Variants in DNPH1 observed in about 807,000 individuals in gnomAD.
DNPH1 encodes 5-hydroxymethyl-dUMP N-hydrolase.
Under a neutral mutation model 15.7 loss-of-function variants are expected in DNPH1, and 18 were observed. That is an observed-to-expected ratio of 1.15 (90% CI 0.79 to 1.70). DNPH1 has a LOEUF of 1.70. Ranked by LOEUF, DNPH1 falls within the 40% of genes most tolerant of loss-of-function variation. The pLI, the probability that DNPH1 is intolerant of heterozygous loss-of-function variation, is 0.00. For missense variants in DNPH1, 262 were observed against 255.2 expected (o/e 1.03, Z -0.18); for synonymous variants, 114 against 107.9 (o/e 1.06, Z -0.35).
intron 1 of DNPH1, among the ~76,000 whole-genome samples, chr6:43,228,437 G>GTGAGATTCCGTTTCAAA (rs1776774602): frequency 6.6e-6 from 1 of 152,146 alleles, no homozygotes. Context: ...GGGCGACAGA[G>GTGAGATTCCGTTTCAAA]AGGCCCTTGT....
At chr6:43,228,774 C>T (rs1347246968) in intron 1 of DNPH1, among the ~76,000 whole-genome samples, 2 of 145,976 alleles carry the variant, frequency 1.4e-5, no homozygotes, top group East Asian at 4.3e-4. Flanking sequence ...TGCAGTGAGC[C>T]GAGATCACGC....
intron 1 of DNPH1, among the ~76,000 whole-genome samples, chr6:43,227,419 G>A (rs1352214604): frequency 6.7e-6 from 1 of 148,174 alleles, no homozygotes; most frequent in Non-Finnish European, 1.5e-5. Flanking sequence ...TGTCTTGGGG[G>A]AAAAAAAAAA....
At position 43,225,721 on chromosome 6, in the gene DNPH1, A is replaced by C; in HGVS notation, c.*12T>G. 1 of 1,613,854 alleles carries C rather than the reference A, an allele frequency of 6.2e-7. No homozygotes were observed. The highest frequency in any genetic ancestry group is 8.5e-7 in the Non-Finnish European group (1 of 1,179,998). On this transcript the variant is annotated 3_prime_UTR_variant, in exon 4 of 4. Transcript: ENST00000230431. ...GTCTGAGAATAGAAGAATTTAAGAAAGTGAGATTAAGTCAAGTGGTTGGGT... is the reference window on the plus strand; with the variant it reads ...GTCTGAGAATAGAAGAATTTAAGAACGTGAGATTAAGTCAAGTGGTTGGGT...
Position 43,226,981 on chromosome 6 carries a change from C to T in DNPH1, c.197-586G>A, listed in dbSNP as rs1776752712. 1.3e-5 allele frequency among the ~76,000 whole-genome samples: 2 copies of T among 152,022 alleles called. No homozygotes were observed. Among genetic ancestry groups the T allele is most frequent in the South Asian group, 2.1e-4 (1 of 4,814 alleles). ...AATTAGCTGGGTGTGGTGGTGCACA[C>T]CTGTAATCCCAGCAACTTGGGAGGC... On this transcript the variant is annotated intron_variant, in intron 1 of 3. Coordinates refer to ENST00000230431, the MANE Select transcript of DNPH1 (RefSeq NM_006443.3). This position sits in a 1 kb window ranked among gnomAD's most constrained non-coding sequence, Gnocchi z 4.1.
At chr6:43,229,224 GCCCGCGTCCCCGCGT>G (rs1472794736) in intron 1 of DNPH1, 22 bp downstream of exon 1, 9 of 1,299,698 alleles carry the variant, frequency 6.9e-6, no homozygotes, top group Non-Finnish European at 8.7e-6. Flanking sequence ...CCAGGTCCGC[GCCCGCGTCCCCGCGT>G]CCCGCGGCCC....
chr6:43,227,821 G>A (rs1288845380), intron 1 of DNPH1, among the ~76,000 whole-genome samples: 3 of 152,028 alleles, frequency 2.0e-5, no homozygotes, highest in East Asian at 1.9e-4. Context: ...CAGACTCAGC[G>A]GCTCATGTCT....
In DNPH1 at chr6:43,225,688, A is replaced by G. The variant is rs1340335236; in HGVS notation, c.*45T>C. ...GGGGCTAAGAGGAAGGAATGGTACT[A>G]GAGCAGTGTCTGAGAATAGAAGAAT... On this transcript the variant is annotated 3_prime_UTR_variant, in exon 4 of 4. Coordinates refer to ENST00000230431, the MANE Select transcript of DNPH1 (RefSeq NM_006443.3). The G allele has an allele frequency of 1.2e-6, 2 of 1,606,686 alleles. No homozygotes were observed. The highest frequency in any genetic ancestry group is 8.5e-7 in the Non-Finnish European group (1 of 1,175,784).
At position 43,229,369 on chromosome 6, in the gene DNPH1, G is replaced by T; in HGVS notation, c.88C>A (p.Arg30Ser). ...RPALYFCGSI[R>S]GGREDRTLYE... ...AGCGTCCTGTCCTCGCGTCCGCCGCGAATGCTCCCGCAGAAGTACAGGGCC... is the reference window on the plus strand; with the variant it reads ...AGCGTCCTGTCCTCGCGTCCGCCGCTAATGCTCCCGCAGAAGTACAGGGCC... The change falls in exon 1 of 4, where the codon CGC (arginine) becomes AGC (serine). Residue 30 changes from arginine (R) to serine (S), a missense_variant. Transcript: ENST00000230431. 6.7e-7 allele frequency: 1 copy of T among 1,485,712 alleles called. No individual in the cohort carries two copies. 92.0% of individuals were successfully genotyped at this position (1,485,712 alleles called of 1,614,324 possible). A position where few individuals can be genotyped will look rare whatever the true frequency, so the allele number is the denominator to read the frequency against.
intron 1 of DNPH1, among the ~76,000 whole-genome samples, chr6:43,227,315 T>C (rs898267260): frequency 2.0e-5 from 3 of 151,796 alleles, no homozygotes; most frequent in Admixed American, 2.0e-4. Context: ...CTCGGGAGGC[T>C]GAGGCAGGAA....
intron 1 of DNPH1, among the ~76,000 whole-genome samples, chr6:43,227,680 T>G (rs1776763668): frequency 6.6e-6 from 1 of 151,834 alleles, no homozygotes; most frequent in Admixed American, 6.6e-5. Context: ...GGTCTGCTCT[T>G]GGGTAGGATA....
intron 1 of DNPH1, chr6:43,228,931 C>T (rs1776781023): frequency 5.1e-6 from 1 of 196,298 alleles, no homozygotes; most frequent in Non-Finnish European, 1.1e-5. Flanking sequence ...GAACTGAGCC[C>T]AAGCAAAGCA....
chr6:43,228,177 C>A (rs1381391883), intron 1 of DNPH1, among the ~76,000 whole-genome samples: 1 of 152,156 alleles, frequency 6.6e-6, no homozygotes, highest in Non-Finnish European at 1.5e-5. Context: ...GAATATGAGG[C>A]CAGCATGGGG....
chr6:43,229,142 C>A (rs1056660244), intron 1 of DNPH1, 119 bp downstream of exon 1: 4 of 1,049,562 alleles, frequency 3.8e-6, no homozygotes, highest in Non-Finnish European at 3.8e-6. Flanking sequence ...GGTAGGAGGG[C>A]GGGCTCCGGG....
rs971934026 is a variant in DNPH1 at position 43,226,522 on chromosome 6, A to T, written c.197-127T>A. On this transcript the variant is annotated intron_variant, in intron 1 of 3. Transcript: ENST00000230431. The surrounding 1 kb of genome is among the most constrained non-coding windows in gnomAD (Gnocchi z 4.1). Reference sequence around the variant, plus strand: ...GCCTTGTGCCAGATGACCTGACCAAACATGACAATCTCATCAAAGCAGCGA... The same window carrying T: ...GCCTTGTGCCAGATGACCTGACCAATCATGACAATCTCATCAAAGCAGCGA... 3 of 759,642 alleles carry T rather than the reference A, an allele frequency of 3.9e-6. No individual in the cohort carries two copies. Among genetic ancestry groups the T allele is most frequent in the Non-Finnish European group, 6.2e-6 (3 of 481,336 alleles). The allele number at this position is 759,642 out of a possible 1,614,324, so 47.1% of individuals were successfully genotyped here. A position where few individuals can be genotyped will look rare whatever the true frequency, so the allele number is the denominator to read the frequency against.
chr6:43,225,825 A>G lies in DNPH1; in HGVS notation c.433T>C (p.Tyr145His), dbSNP rs750352145. 1.4e-5 allele frequency: 22 copies of G among 1,614,154 alleles called. No homozygotes were observed. The South Asian group carries it at 1.9e-4, about 14-fold the overall frequency. Residue 145 changes from tyrosine to histidine, a missense_variant, in exon 4 of 4, where the codon TAT becomes CAT. Transcript: ENST00000230431. ...ADGSRFQVWD[Y>H]EEGEVEALLD... ...AGGGCCTCCACCTCTCCCTCCTCAT[A>G]GTCCCACACCTGGAACCGAGAGCCA...
Position 43,226,240 on chromosome 6 carries a change from G to C in DNPH1, c.265+87C>G, listed in dbSNP as rs534393298. 236 of 1,596,696 alleles carry C rather than the reference G, an allele frequency of 1.5e-4. 2 individuals are homozygous for C. In the South Asian group the frequency reaches 2.5e-3, roughly 17 times the overall value. On this transcript the variant is annotated intron_variant, in intron 2 of 3. Transcript: ENST00000230431. This position sits in a 1 kb window ranked among gnomAD's most constrained non-coding sequence, Gnocchi z 4.1. ...CTGTGGTGAGGAGGGAACTCTGGGA[G>C]TCCCTTCTAGGTGTGGAGGCTGGGA...
chr6:43,226,493 G>T lies in DNPH1; in HGVS notation c.197-98C>A. The T allele has an allele frequency of 1.8e-6, 2 of 1,120,170 alleles. No homozygotes were observed. The highest frequency in any genetic ancestry group is 2.5e-6 in the Non-Finnish European group (2 of 802,746). 69.4% of individuals were successfully genotyped at this position (1,120,170 alleles called of 1,614,324 possible). Reference sequence around the variant, plus strand: ...CATACCCACCCTGCTCAGGGAGGGTGGGAGCCTTGTGCCAGATGACCTGAC... The same window carrying T: ...CATACCCACCCTGCTCAGGGAGGGTTGGAGCCTTGTGCCAGATGACCTGAC... On this transcript the variant is annotated intron_variant, in intron 1 of 3. Transcript: ENST00000230431. The surrounding 1 kb of genome is among the most constrained non-coding windows in gnomAD (Gnocchi z 4.1).
Position 43,226,377 on chromosome 6 carries a change from C to A in DNPH1, c.215G>T (p.Gly72Val), listed in dbSNP as rs1285126468. ...LGARGEEAAGGDRLIHEQDLE... is the reference protein window; with the variant it reads ...LGARGEEAAGVDRLIHEQDLE... ...GTCCTGCTCATGGATGAGCCTGTCA[C>A]CCCCAGCAGCCTCTTCCCCTGTGTT... Residue 72 changes from glycine to valine, a missense_variant, in exon 2 of 4, where the codon GGT (glycine) becomes GTT (valine). Gly to Val is a moderately radical substitution (Grantham distance 109). Transcript: ENST00000230431. This position sits in a 1 kb window ranked among gnomAD's most constrained non-coding sequence, Gnocchi z 4.1. 1.2e-6 allele frequency: 2 copies of A among 1,612,362 alleles called. No homozygotes were observed. The highest frequency in any genetic ancestry group is 2.7e-5 in the African/African-American group (2 of 74,892).
At position 43,225,817 on chromosome 6, in the gene DNPH1, C is replaced by T. The variant is rs1005383594; in HGVS notation, c.441G>A (p.Glu147=). 4 of 1,614,222 alleles carry T rather than the reference C, an allele frequency of 2.5e-6. No homozygotes were observed. Among genetic ancestry groups the T allele is most frequent in the East Asian group, 4.5e-5 (2 of 44,888 alleles). The change falls in exon 4 of 4, where the codon GAG becomes GAA. Residue 147 remains glutamate (E), a synonymous_variant. Coordinates refer to ENST00000230431, the MANE Select transcript of DNPH1 (RefSeq NM_006443.3). ...GSRFQVWDYE[E]GEVEALLDRY... The stretch of plus-strand genomic sequence containing the variant: ...GATCCAGCAGGGCCTCCACCTCTCC[C>T]TCCTCATAGTCCCACACCTGGAACC...
Sources: allele counts gnomAD v4.1 joint callset (sites outside exome capture counted in the v4.1 genomes callset), GRCh38; gene constraint gnomAD v4.1.1; non-coding constraint Gnocchi (gnomAD v3.1); transcripts MANE v1.5; gene names NCBI Gene and HGNC (gene_info 2026-07-23, HGNC 2026-07-21).